The following FAAH variants were observed in gnomAD, a reference collection of about 807,000 sequenced individuals.
FAAH encodes the protein fatty acid amide hydrolase.
Under a neutral mutation model 69.7 loss-of-function variants are expected in FAAH, and 63 were observed. The observed-to-expected ratio is 0.90, with a 90% CI of 0.74 to 1.12. FAAH has a LOEUF of 1.12. FAAH is among the 50% of genes most tolerant of loss of function. The probability of loss-of-function intolerance (pLI) is 0.00; values close to 1 mark genes in which losing one functional copy is unlikely to be tolerated. For synonymous variants in FAAH, 305 were observed against 324.2 expected (o/e 0.94, Z 0.64); for missense variants, 680 against 755.0 (o/e 0.90, Z 1.16).
intron 1 of FAAH, among the ~76,000 whole-genome samples, chr1:46,395,725 T>C (rs1407982909): frequency 2.0e-5 from 3 of 152,068 alleles, no homozygotes; most frequent in African/African-American, 7.2e-5. Context: ...GTTCCGCAAG[T>C]GATTTTTGAG....
At position 46,394,455 on chromosome 1, in the gene FAAH, C is replaced by G. The variant is rs1179090251; in HGVS notation, c.107C>G (p.Thr36Arg). ...GCCCTGCGCTGGTCCGGGCGCCGGA[C>G]GGCGCGGGGCGCGGTGGTCCGGGCG... The part of the protein sequence containing the change: ...AVALRWSGRR[T>R]ARGAVVRARQ... The change falls in exon 1 of 15, where the codon ACG becomes AGG. Residue 36 changes from threonine to arginine, a missense_variant. By Grantham distance (71) the Thr-to-Arg change is moderately conservative. Transcript: ENST00000243167. 6 of 1,372,944 alleles carry G rather than the reference C, an allele frequency of 4.4e-6. No homozygotes were observed. Among genetic ancestry groups the G allele is most frequent in the Non-Finnish European group, 4.7e-6 (5 of 1,071,556 alleles). 85.0% of individuals were successfully genotyped at this position (1,372,944 alleles called of 1,614,324 possible). A position where few individuals can be genotyped will look rare whatever the true frequency, so the allele number is the denominator to read the frequency against.
intron 1 of FAAH, among the ~76,000 whole-genome samples, chr1:46,394,766 C>T (rs1664567863): frequency 6.6e-6 from 1 of 152,214 alleles, no homozygotes; most frequent in South Asian, 2.1e-4. Flanking sequence ...AAGGCCTTTC[C>T]CTCACTGGGT....
chr1:46,396,388 G>C (rs558300111), intron 1 of FAAH, among the ~76,000 whole-genome samples: 4 of 152,244 alleles, frequency 2.6e-5, no homozygotes, highest in African/African-American at 9.6e-5. Flanking sequence ...ACTGCAAAGA[G>C]GCCTTCCTCT....
rs1358266105 is a variant in FAAH at position 46,413,467 on chromosome 1, GCTGCCGGTGGCCGTGCAGTGTGTGGCT to G, written c.1638_1664del (p.Val547_Pro555del). The G allele has an allele frequency of 1.9e-6, 3 of 1,613,936 alleles. No individual in the cohort carries two copies. Among genetic ancestry groups the G allele is most frequent in the East Asian group, 2.2e-5 (1 of 44,886 alleles). ...TATAGGGCATGAAGAAGAGTGTGGG[GCTGCCGGTGGCCGTGCAGTGTGTGGCT>G]CTGCCCTGGCAAGAAGAGTTGTGTC... is the stretch of plus-strand genomic sequence containing the variant. On this transcript the variant is annotated inframe_deletion, in exon 15 of 15. Coordinates refer to ENST00000243167, the MANE Select transcript of FAAH (RefSeq NM_001441.3).
Position 46,405,666 on chromosome 1 carries a change from G to A in FAAH, c.657G>A (p.Gly219=). The A allele has an allele frequency of 1.2e-6, 2 of 1,613,570 alleles. No homozygotes were observed. The highest frequency in any genetic ancestry group is 1.7e-6 in the Non-Finnish European group (2 of 1,180,038). The change falls in exon 5 of 15, where the codon GGG becomes GGA. Residue 219 remains glycine, a synonymous_variant. Coordinates refer to ENST00000243167, the MANE Select transcript of FAAH (RefSeq NM_001441.3). This position sits in a 1 kb window ranked among gnomAD's most constrained non-coding sequence, Gnocchi z 4.1. Reference sequence around the variant, plus strand: ...CCAAAAGCCCAGGGGGCTCCTCAGGGGGTGAAGGGGCCCTCATCGGGTCTG... The same window carrying A: ...CCAAAAGCCCAGGGGGCTCCTCAGGAGGTGAAGGGGCCCTCATCGGGTCTG... ...KSSKSPGGSS[G]GEGALIGSGG...
chr1:46,410,760 G>A lies in FAAH; in HGVS notation c.1276-54G>A, dbSNP rs1664898119. ...CCAGTGGCTTGGCCTGAAGAAGGTT[G>A]ACGTCTGCCGTGGCCCAGAGCTGAG... is the stretch of plus-strand genomic sequence containing the variant. On this transcript the variant is annotated intron_variant, in intron 10 of 14. Transcript: ENST00000243167. This position sits in a 1 kb window ranked among gnomAD's most constrained non-coding sequence, Gnocchi z 4.9. The A allele has an allele frequency of 1.2e-6, 2 of 1,611,968 alleles. No homozygotes were observed. The highest frequency in any genetic ancestry group is 1.3e-5 in the African/African-American group (1 of 74,892).
chr1:46,406,227 A>G lies in FAAH; in HGVS notation c.827-17A>G. On this transcript the variant is annotated splice_polypyrimidine_tract_variant and intron_variant, in intron 6 of 14. Transcript: ENST00000243167. ...CGCTCCTTGTCTGCTTACCTCCCTC[A>G]CCTCTCTGCCCCACAGTGCGTCTCT... 1 of 1,612,838 alleles carries G rather than the reference A, an allele frequency of 6.2e-7. No homozygotes were observed.
chr1:46,406,036 AG>A lies in FAAH; in HGVS notation c.786-1del, dbSNP rs771101907. 1.2e-6 allele frequency: 2 copies of A among 1,614,176 alleles called. No individual in the cohort carries two copies. Among genetic ancestry groups the A allele is most frequent in the South Asian group, 2.2e-5 (2 of 91,088 alleles). On this transcript the variant is annotated splice_acceptor_variant, in intron 5 of 14. Coordinates refer to ENST00000243167, the MANE Select transcript of FAAH (RefSeq NM_001441.3). LOFTEE classifies it high-confidence loss of function. ...TTCCAGCATCTTATGTTTCTTATCC[AG>A]CAAGAGTGGCCTGAAGGGCTGTGTC...
intron 1 of FAAH, among the ~76,000 whole-genome samples, chr1:46,397,624 C>T (rs557659996): frequency 4.9e-4 from 74 of 152,154 alleles, no homozygotes; most frequent in Admixed American, 1.0e-3. Context: ...TGCAATGGTG[C>T]GATCTCGGCT....
rs1335168735 is a variant in FAAH at position 46,404,495 on chromosome 1, G to A, written c.310-519G>A. On this transcript the variant is annotated intron_variant, in intron 2 of 14. Coordinates refer to ENST00000243167, the MANE Select transcript of FAAH (RefSeq NM_001441.3). The surrounding 1 kb of genome is among the most constrained non-coding windows in gnomAD (Gnocchi z 4.5). ...GATTATCAAATTCAAGATTTCCTGG[G>A]TAAGGGGAGGCTTGACTGGGCTACA... Among the ~76,000 whole-genome samples, 2 of 152,208 alleles carry A rather than the reference G, an allele frequency of 1.3e-5. No homozygotes were observed. The highest frequency in any genetic ancestry group is 2.9e-5 in the Non-Finnish European group (2 of 68,032).
rs1357968819 is a variant in FAAH at position 46,413,553 on chromosome 1, C to T, written c.1718C>T (p.Thr573Ile). ...RFMREVERLM[T>I]PEKQSS ...ATGCGGGAGGTGGAGCGACTGATGACCCCTGAAAAGCAGTCATCCTGATGG... is the reference window on the plus strand; with the variant it reads ...ATGCGGGAGGTGGAGCGACTGATGATCCCTGAAAAGCAGTCATCCTGATGG... The change falls in exon 15 of 15, where the codon ACC becomes ATC. Residue 573 changes from threonine to isoleucine, a missense_variant. Physicochemically the swap from Thr to Ile is moderately conservative, Grantham distance 89. Transcript: ENST00000243167. 6.2e-7 allele frequency: 1 copy of T among 1,614,080 alleles called. No homozygotes were observed. The highest frequency in any genetic ancestry group is 1.7e-5 in the Admixed American group (1 of 60,018).
chr1:46,410,863 T>G lies in FAAH; in HGVS notation c.1316+9T>G. 6.2e-7 allele frequency: 1 copy of G among 1,614,154 alleles called. No homozygotes were observed. On this transcript the variant is annotated intron_variant, in intron 11 of 14. Coordinates refer to ENST00000243167, the MANE Select transcript of FAAH (RefSeq NM_001441.3). The surrounding 1 kb of genome is among the most constrained non-coding windows in gnomAD (Gnocchi z 4.9). The stretch of plus-strand genomic sequence containing the variant: ...AGCAACATGAAGTCTCGGTAAGGGT[T>G]CTTCTGTGTCTAGCTGCCGGCCCCT...
chr1:46,403,843 G>T (rs546208239), intron 2 of FAAH, among the ~76,000 whole-genome samples: 1 of 152,332 alleles, frequency 6.6e-6, no homozygotes, highest in South Asian at 2.1e-4. Context: ...GGTCTTTGTG[G>T]ACAGAGCTTG....
chr1:46,405,359 T>C lies in FAAH; in HGVS notation c.445-13T>C. On this transcript the variant is annotated splice_polypyrimidine_tract_variant and intron_variant, in intron 3 of 14. Coordinates refer to ENST00000243167, the MANE Select transcript of FAAH (RefSeq NM_001441.3). This position sits in a 1 kb window ranked among gnomAD's most constrained non-coding sequence, Gnocchi z 4.1. The stretch of plus-strand genomic sequence containing the variant: ...CTGACTCACTCCCTTCTGGTGCCCA[T>C]CCCTCCTCCCAGGGCCAGGACTCCA... 1 of 1,608,688 alleles carries C rather than the reference T, an allele frequency of 6.2e-7. No individual in the cohort carries two copies. Among genetic ancestry groups the C allele is most frequent in the Non-Finnish European group, 8.5e-7 (1 of 1,179,948 alleles).
Position 46,411,466 on chromosome 1 carries a change from G to A in FAAH, c.1317-146G>A, listed in dbSNP as rs2148453404. The A allele has an allele frequency of 3.5e-6, 3 of 859,206 alleles. No homozygotes were observed. The South Asian group carries it at 4.3e-5, about 12-fold the overall frequency. The allele number at this position is 859,206 out of a possible 1,614,324, so 53.2% of individuals were successfully genotyped here. ...CTGATTTTCTCATCCAGACAGTAGG[G>A]GTTTGAACTTCCCTCTCAGAGCTCC... On this transcript the variant is annotated intron_variant, in intron 11 of 14. Transcript: ENST00000243167. The surrounding 1 kb of genome is among the most constrained non-coding windows in gnomAD (Gnocchi z 4.8).
chr1:46,413,522 C>A lies in FAAH; in HGVS notation c.1687C>A (p.Arg563=). The change falls in exon 15 of 15, where the codon CGG becomes AGG. Residue 563 remains arginine (R), a synonymous_variant. Transcript: ENST00000243167. ...ALPWQEELCL[R]FMREVERLMT... is the part of the protein sequence containing the mutation. ...GCCCTGGCAAGAAGAGTTGTGTCTG[C>A]GGTTCATGCGGGAGGTGGAGCGACT... 6.2e-7 allele frequency: 1 copy of A among 1,614,070 alleles called. No homozygotes were observed. Among genetic ancestry groups the A allele is most frequent in the Non-Finnish European group, 8.5e-7 (1 of 1,179,988 alleles).
At position 46,405,100 on chromosome 1, in the gene FAAH, C is replaced by A; in HGVS notation, c.396C>A (p.Gly132=). Residue 132 remains glycine, a synonymous_variant, in exon 3 of 15, where the codon GGC becomes GGA. Transcript: ENST00000243167. This position sits in a 1 kb window ranked among gnomAD's most constrained non-coding sequence, Gnocchi z 4.1. ...AGCTGTCTCAGGCCCCAAGGCAGGG[C>A]CTGCTCTATGGCGTCCCTGTGAGCC... ...ETQLSQAPRQ[G]LLYGVPVSLK... 1 of 1,613,908 alleles carries A rather than the reference C, an allele frequency of 6.2e-7. No individual in the cohort carries two copies. Among genetic ancestry groups the A allele is most frequent in the Non-Finnish European group, 8.5e-7 (1 of 1,179,998 alleles).
At position 46,411,220 on chromosome 1, in the gene FAAH, C is replaced by A. The variant is rs529110945; in HGVS notation, c.1316+366C>A. On this transcript the variant is annotated intron_variant, in intron 11 of 14. Coordinates refer to ENST00000243167, the MANE Select transcript of FAAH (RefSeq NM_001441.3). This position sits in a 1 kb window ranked among gnomAD's most constrained non-coding sequence, Gnocchi z 4.8. ...TGAGCTGACCTGAGCTGCGCCAGGC[C>A]CTACTTGCCCCTTAGTGGCTGGGGC... 3.3e-5 allele frequency among the ~76,000 whole-genome samples: 5 copies of A among 152,200 alleles called. No individual in the cohort carries two copies. The highest frequency in any genetic ancestry group is 1.2e-4 in the African/African-American group (5 of 41,458).
In FAAH at chr1:46,408,484, G is replaced by T; in HGVS notation, c.977G>T (p.Arg326Leu). Residue 326 changes from arginine (R) to leucine (L), a missense_variant, in exon 8 of 15, where the codon CGT becomes CTT. Transcript: ENST00000243167. The stretch of plus-strand genomic sequence containing the variant: ...GTCTACACCAGCTCTCAGCCCCTGC[G>T]TGTGGGGTACTATGAGACTGACAAC... ...EEVYTSSQPL[R>L]VGYYETDNYT... is the part of the protein sequence containing the mutation. The T allele has an allele frequency of 6.2e-7, 1 of 1,614,148 alleles. No homozygotes were observed. The highest frequency in any genetic ancestry group is 1.3e-5 in the African/African-American group (1 of 75,020).
Sources: gnomAD v4.1 joint callset for allele counts (sites outside exome capture counted in the v4.1 genomes callset) on GRCh38, gnomAD v4.1.1 for gene constraint, Gnocchi (gnomAD v3.1) non-coding constraint, MANE v1.5 for transcripts, NCBI Gene and HGNC (gene_info 2026-07-23, HGNC 2026-07-21) for gene names.